The following BBX variants were observed in gnomAD, a reference collection of about 807,000 sequenced individuals.
BBX encodes HMG box transcription factor BBX.
A neutral mutation model predicts 100.2 loss-of-function variants in BBX; 30 were observed. The ratio of observed to expected loss-of-function variants is 0.30; its 90% CI spans 0.22 to 0.41. The LOEUF is 0.41. Among genes scored for constraint, BBX ranks in the 10% least tolerant of loss-of-function variants. The probability of loss-of-function intolerance (pLI) is 1.00; values close to 1 mark genes in which losing one functional copy is unlikely to be tolerated. For synonymous variants in BBX, 376 were observed against 388.1 expected (o/e 0.97, Z 0.37); for missense variants, 1,023 against 1,129.8 (o/e 0.91, Z 1.35).
intron 10 of BBX, among the ~76,000 whole-genome samples, chr3:107,765,443 G>A (rs896737988): frequency 1.3e-5 from 2 of 151,844 alleles, no homozygotes; most frequent in Non-Finnish European, 2.9e-5. Context: ...GTTTAGGGGT[G>A]GGTGTGGGTG....
At chr3:107,757,949 A>T (rs2107685653) in intron 10 of BBX, among the ~76,000 whole-genome samples, 1 of 152,250 alleles carries the variant, frequency 6.6e-6, no homozygotes, top group East Asian at 1.9e-4. Context: ...CCATCTCGGG[A>T]TTTCTAAAGA....
chr3:107,774,903 T>C (rs778496757), intron 12 of BBX, 46 bp downstream of exon 12: 4 of 1,588,788 alleles, frequency 2.5e-6, no homozygotes, highest in South Asian at 1.2e-5. Flanking sequence ...AAGCCTCAAG[T>C]GTGGGTGGGA....
At chr3:107,594,197 TC>T (rs2053525186) in intron 2 of BBX, among the ~76,000 whole-genome samples, 1 of 152,198 alleles carries the variant, frequency 6.6e-6, no homozygotes, top group African/African-American at 2.4e-5. Context: ...AGTTTGTCTT[TC>T]TTGGGCTGTT....
intron 9 of BBX, among the ~76,000 whole-genome samples, chr3:107,754,600 C>A (rs1162152624): frequency 6.6e-6 from 1 of 152,140 alleles, no homozygotes; most frequent in Admixed American, 6.5e-5. Flanking sequence ...CATGAAGCAC[C>A]CAGTCCCTCC....
intron 2 of BBX, among the ~76,000 whole-genome samples, chr3:107,621,577 T>C (rs1464227581): frequency 6.6e-6 from 1 of 152,172 alleles, no homozygotes; most frequent in Non-Finnish European, 1.5e-5. Flanking sequence ...TTGGAATGGG[T>C]CTTTCAAAGA....
chr3:107,650,552 A>G (rs940923742), intron 3 of BBX, among the ~76,000 whole-genome samples: 1 of 152,210 alleles, frequency 6.6e-6, no homozygotes, highest in Non-Finnish European at 1.5e-5. Context: ...TTTATGATTC[A>G]AAGCCTTATG....
At chr3:107,592,799 A>G (rs2053424586) in intron 2 of BBX, among the ~76,000 whole-genome samples, 2 of 152,154 alleles carry the variant, frequency 1.3e-5, no homozygotes, top group Admixed American at 6.5e-5. Flanking sequence ...TGAGCCTCCC[A>G]CCTCCACACA....
chr3:107,582,818 A>G (rs1472121686), intron 2 of BBX, among the ~76,000 whole-genome samples: 1 of 152,004 alleles, frequency 6.6e-6, no homozygotes, highest in Non-Finnish European at 1.5e-5. Flanking sequence ...TGCTTTGCTA[A>G]ATAGAATTTA....
intron 15 of BBX, among the ~76,000 whole-genome samples, chr3:107,795,415 T>G (rs2069523073): frequency 6.6e-6 from 1 of 152,180 alleles, no homozygotes; most frequent in African/African-American, 2.4e-5. Flanking sequence ...GTTCTGGGGT[T>G]AACCCTTGGG....
Position 107,809,030 on chromosome 3 carries a change from A to G in BBX, c.*3573A>G, listed in dbSNP as rs570955230. On this transcript the variant is annotated 3_prime_UTR_variant, in exon 18 of 18. Coordinates refer to ENST00000325805, the MANE Select transcript of BBX (RefSeq NM_001142568.3). Reference sequence around the variant, plus strand: ...GTTATTTAGAATCCAATGTGTTCAAATCCTTTTGTTTTCTTATTAAGTCAG... The same window carrying G: ...GTTATTTAGAATCCAATGTGTTCAAGTCCTTTTGTTTTCTTATTAAGTCAG... The G allele has an allele frequency of 7.2e-5, 11 of 152,318 alleles. No homozygotes were observed. In the East Asian group the frequency reaches 2.1e-3, roughly 29 times the overall value. 9.4% of individuals were successfully genotyped at this position (152,318 alleles called of 1,614,324 possible).
intron 9 of BBX, among the ~76,000 whole-genome samples, chr3:107,753,186 A>G (rs1019801786): frequency 2.6e-5 from 4 of 152,206 alleles, no homozygotes; most frequent in African/African-American, 9.7e-5. Flanking sequence ...TTTTCTAAAG[A>G]AAGACTAGCA....
At position 107,801,201 on chromosome 3, in the gene BBX, T is replaced by C. The variant is rs775155716; in HGVS notation, c.2658T>C (p.Ser886=). The change falls in exon 17 of 18, where the codon AGT becomes AGC. Residue 886 remains serine, a synonymous_variant. Transcript: ENST00000325805. ...CCGAGGTCGGGGAGACGCGGAGCAG[T>C]ACTCCAGAAATGCCTGCCGTGTCTG... ...HNTEVGETRS[S]TPEMPAVSAF... 1 of 1,614,204 alleles carries C rather than the reference T, an allele frequency of 6.2e-7. No homozygotes were observed. Among genetic ancestry groups the C allele is most frequent in the East Asian group, 2.2e-5 (1 of 44,874 alleles).
chr3:107,662,354 G>T (rs1350539739), intron 3 of BBX, among the ~76,000 whole-genome samples: 1 of 152,108 alleles, frequency 6.6e-6, no homozygotes, highest in Non-Finnish European at 1.5e-5. Context: ...ACGGTGGCGG[G>T]TAATGAAATG....
chr3:107,802,279 T>C (rs1426288266), intron 17 of BBX, among the ~76,000 whole-genome samples: 1 of 152,262 alleles, frequency 6.6e-6, no homozygotes. Flanking sequence ...TCCCCTGACG[T>C]GAGCTTGGTT....
chr3:107,609,352 T>C (rs2054669533), intron 2 of BBX, among the ~76,000 whole-genome samples: 1 of 152,178 alleles, frequency 6.6e-6, no homozygotes, highest in Non-Finnish European at 1.5e-5. Flanking sequence ...TTTTCTTTTT[T>C]TGATGTGTCT....
intron 10 of BBX, among the ~76,000 whole-genome samples, chr3:107,756,410 G>A (rs1366784288): frequency 6.6e-6 from 1 of 152,102 alleles, no homozygotes. Context: ...GAGGTAGAAA[G>A]TGGATAACCA....
chr3:107,772,751 A>C lies in BBX; in HGVS notation c.1030A>C (p.Lys344Gln). Residue 344 changes from lysine to glutamine, a missense_variant, in exon 11 of 18, where the codon AAA becomes CAA. Transcript: ENST00000325805. ...GGAAGAAAAAGAAATTAAAATGGAG[A>C]AAACAGATGAAACTAGGTTACAGAA... ...GKEEKEIKME[K>Q]TDETRLQKEA... The C allele has an allele frequency of 6.2e-7, 1 of 1,612,884 alleles. No homozygotes were observed. Among genetic ancestry groups the C allele is most frequent in the Non-Finnish European group, 8.5e-7 (1 of 1,179,756 alleles).
chr3:107,623,744 T>G (rs1432864254), intron 2 of BBX, among the ~76,000 whole-genome samples: 3 of 152,210 alleles, frequency 2.0e-5, no homozygotes, highest in Non-Finnish European at 4.4e-5. Flanking sequence ...AAAGTTTCAT[T>G]GGTTTTAATA....
At chr3:107,779,904 A>C (rs2067696076) in intron 13 of BBX, among the ~76,000 whole-genome samples, 1 of 152,126 alleles carries the variant, frequency 6.6e-6, no homozygotes. Flanking sequence ...AGGGAGGTAT[A>C]GAAACGTCAT....
Sources: gnomAD v4.1 joint callset for allele counts (sites outside exome capture counted in the v4.1 genomes callset) on GRCh38, gnomAD v4.1.1 for gene constraint, MANE v1.5 for transcripts, NCBI Gene and HGNC (gene_info 2026-07-23, HGNC 2026-07-21) for gene names.